S100Z: variants seen among roughly 807,000 people sequenced by gnomAD.
The protein encoded by S100Z is S100 calcium binding protein Z.
S100Z carries 11 observed loss-of-function variants against 8.5 expected under a neutral mutation model. The observed-to-expected ratio is 1.30, with a 90% CI of 0.82 to 2.15. The LOEUF is 2.15. Ranked by LOEUF, S100Z falls within the 30% of genes most tolerant of loss-of-function variation. The pLI, the probability that S100Z is intolerant of heterozygous loss-of-function variation, is 0.00. For synonymous variants in S100Z, 34 were observed against 43.8 expected, an observed-to-expected ratio of 0.78 and a Z score of 0.89; for missense variants, 126 against 117.9, an observed-to-expected ratio of 1.07 and a Z score of -0.32.
chr5:76,875,537 G>T, intron 3 of S100Z, 37 bp downstream of exon 3: 1 of 1,560,786 alleles, frequency 6.4e-7, no homozygotes, highest in South Asian at 1.2e-5. Context: ...ATTCATTTGA[G>T]GGTAGATGAG....
the S100Z span, among the ~76,000 whole-genome samples, chr5:76,947,308 C>A: frequency 1.3e-5 from 2 of 152,128 alleles, no homozygotes; most frequent in African/African-American, 4.8e-5. Flanking sequence ...AAAGTCTGAA[C>A]TTTTACCAAC....
rs538342159 is a variant in S100Z, at chr5:76,879,412, A to G, written c.*2+1578A>G. On this transcript the variant is annotated intron_variant, in intron 4 of 4. Transcript: ENST00000317593. ...TTACATGCAACCAAACACAATCTGT[A>G]AGGTTTAGGGTTTTGATCAAGCAAA... Among the ~76,000 whole-genome samples the G allele has an allele frequency of 2.6e-5, 4 of 152,306 alleles. No homozygotes were observed. The East Asian group carries it at 7.7e-4, about 29-fold the overall frequency.
intron 4 of S100Z, among the ~76,000 whole-genome samples, chr5:76,899,026 C>T (rs920035855): frequency 6.6e-6 from 1 of 150,966 alleles, no homozygotes; most frequent in African/African-American, 2.4e-5. Flanking sequence ...ACCTCCACCT[C>T]CCAGGTTCAA....
chr5:76,934,874 G>A, the S100Z span, among the ~76,000 whole-genome samples: 1 of 152,272 alleles, frequency 6.6e-6, no homozygotes, highest in Admixed American at 6.5e-5. Flanking sequence ...TAAGCTCTAG[G>A]AGTTGTCAAA....
chr5:76,883,719 G>C (rs1480403111), intron 4 of S100Z, among the ~76,000 whole-genome samples: 1 of 152,204 alleles, frequency 6.6e-6, no homozygotes, highest in East Asian at 1.9e-4. Flanking sequence ...AGGGGCTCCG[G>C]GAGTGGCTGC....
intron 4 of S100Z, among the ~76,000 whole-genome samples, chr5:76,913,825 T>C (rs1240691282): frequency 6.6e-6 from 1 of 152,116 alleles, no homozygotes; most frequent in African/African-American, 2.4e-5. Context: ...CAGTTAGGGA[T>C]AGTACGAGAT....
intron 1 of S100Z, among the ~76,000 whole-genome samples, chr5:76,865,748 C>T (rs1000613306): frequency 2.0e-5 from 3 of 151,680 alleles, no homozygotes; most frequent in Non-Finnish European, 4.4e-5. Context: ...CGCAGTGGCT[C>T]ATGCCTGTAA....
intron 4 of S100Z, among the ~76,000 whole-genome samples, chr5:76,901,473 A>G (rs545722651): frequency 1.2e-4 from 18 of 152,276 alleles, no homozygotes; most frequent in Admixed American, 2.0e-4. Context: ...CATTTTTTCC[A>G]AAGGCAGAGG....
At chr5:76,914,528 GC>G (rs1463120196) in intron 4 of S100Z, among the ~76,000 whole-genome samples, 1 of 152,194 alleles carries the variant, frequency 6.6e-6, no homozygotes, top group East Asian at 1.9e-4. Flanking sequence ...TGCTGTGGAA[GC>G]TTTGTTCTTT....
the S100Z span, among the ~76,000 whole-genome samples, chr5:76,948,177 T>TAAAAATACAAAAA: frequency 6.6e-6 from 1 of 151,836 alleles, no homozygotes; most frequent in African/African-American, 2.4e-5. Flanking sequence ...AATACAAAAA[T>TAAAAATACAAAAA]TAGCTGGGTG....
At chr5:76,874,997 G>A (rs901215326) in intron 2 of S100Z, among the ~76,000 whole-genome samples, 3 of 151,978 alleles carry the variant, frequency 2.0e-5, no homozygotes, top group African/African-American at 7.3e-5. Context: ...CCGTTCTCCT[G>A]CCTCAGCCTC....
chr5:76,938,868 CA>C, the S100Z span, among the ~76,000 whole-genome samples: 2 of 151,558 alleles, frequency 1.3e-5, no homozygotes, highest in Non-Finnish European at 2.9e-5. Flanking sequence ...GCTCATCATG[CA>C]AAAAAAATTC....
rs1034855896 is a variant in S100Z, at chr5:76,877,331, C to T, written c.142-343C>T. On this transcript the variant is annotated intron_variant, in intron 3 of 4. Transcript: ENST00000317593. ...ATTTTTCTCCTTTTTGGCTTCAAAT[C>T]CTCCCTCTTTCTATGTCACTCGACT... Among the ~76,000 whole-genome samples the T allele has an allele frequency of 5.9e-5, 9 of 152,264 alleles. No individual in the cohort carries two copies. The South Asian group carries it at 1.7e-3, about 28-fold the overall frequency.
downstream of S100Z, among the ~76,000 whole-genome samples, chr5:76,921,864 C>T (rs1345807480): frequency 1.3e-5 from 2 of 151,990 alleles, no homozygotes; most frequent in African/African-American, 4.8e-5. Context: ...CGGTGCACGC[C>T]TGTATTCCCA....
rs1377420738 is a variant in S100Z at position 76,870,269 on chromosome 5, T to A, written c.-72T>A. On this transcript the variant is annotated 5_prime_UTR_variant, in exon 2 of 5. Transcript: ENST00000317593. ...ACAGTCCCGTGTCTCGGCTGAGTCA[T>A]CGCATTCCTTAATAGGTAAATAAGC... The A allele has an allele frequency of 6.6e-6, 1 of 152,192 alleles. No homozygotes were observed. The highest frequency in any genetic ancestry group is 1.5e-5 in the Non-Finnish European group (1 of 68,036). The allele number at this position is 152,192 out of a possible 1,614,324, so 9.4% of individuals were successfully genotyped here.
the S100Z span, among the ~76,000 whole-genome samples, chr5:76,932,413 G>A: frequency 2.0e-5 from 3 of 152,112 alleles, no homozygotes; most frequent in Non-Finnish European, 2.9e-5. Context: ...GAGTGCGGTG[G>A]TGTGATCTCA....
intron 4 of S100Z, among the ~76,000 whole-genome samples, chr5:76,884,178 C>G (rs1334198928): frequency 1.3e-5 from 2 of 152,180 alleles, no homozygotes; most frequent in African/African-American, 4.8e-5. Flanking sequence ...TAAAGTGTCT[C>G]AGGGTTGCTG....
intron 4 of S100Z, among the ~76,000 whole-genome samples, chr5:76,884,972 T>TA (rs1743548929): frequency 5.9e-5 from 9 of 152,074 alleles, no homozygotes. Context: ...AACCAATGTG[T>TA]AAAAGAATGC....
At chr5:76,939,694 G>A in the S100Z span, among the ~76,000 whole-genome samples, 1 of 150,856 alleles carries the variant, frequency 6.6e-6, no homozygotes, top group Non-Finnish European at 1.5e-5. Flanking sequence ...TGTATTTTTA[G>A]TAGAGACCAG....
Sources: allele counts gnomAD v4.1 joint callset (sites outside exome capture counted in the v4.1 genomes callset), GRCh38; gene constraint gnomAD v4.1.1; transcripts MANE v1.5; gene names NCBI Gene and HGNC (gene_info 2026-07-23, HGNC 2026-07-21).